LDB2: variants seen among roughly 807,000 people sequenced by gnomAD.
The protein encoded by LDB2 is LIM domain binding 2, also known as LIM domain-binding protein 2.
Under a neutral mutation model 44.3 loss-of-function variants are expected in LDB2, and 12 were observed. The ratio of observed to expected loss-of-function variants is 0.27; its 90% CI spans 0.17 to 0.44. The LOEUF (loss-of-function observed/expected upper bound fraction) is 0.44. Among genes scored for constraint, LDB2 ranks in the 20% least tolerant of loss-of-function variants. The pLI, the probability that LDB2 is intolerant of heterozygous loss-of-function variation, is 1.00. For synonymous variants in LDB2, 164 were observed against 174.8 expected (o/e 0.94, Z 0.49); for missense variants, 344 against 473.5 (o/e 0.73, Z 2.54).
chr4:16,788,230 T>C (rs557212311), intron 1 of LDB2, among the ~76,000 whole-genome samples: 1 of 152,342 alleles, frequency 6.6e-6, no homozygotes, highest in Non-Finnish European at 1.5e-5. Flanking sequence ...GACCATTCTA[T>C]TAACAGGAGC....
At chr4:16,766,013 A>G (rs1769122572) in intron 1 of LDB2, among the ~76,000 whole-genome samples, 1 of 152,236 alleles carries the variant, frequency 6.6e-6, no homozygotes, top group African/African-American at 2.4e-5. Flanking sequence ...AATAGAGAAC[A>G]AAAGAGAATA....
chr4:16,784,198 T>C (rs1408692829), intron 1 of LDB2, among the ~76,000 whole-genome samples: 2 of 151,880 alleles, frequency 1.3e-5, no homozygotes, highest in South Asian at 2.1e-4. Context: ...AGGAAACAAA[T>C]TCTCCTCTTC....
chr4:16,770,328 C>A (rs994974741), intron 1 of LDB2, among the ~76,000 whole-genome samples: 1 of 152,116 alleles, frequency 6.6e-6, no homozygotes, highest in African/African-American at 2.4e-5. Context: ...ATTTATTTAA[C>A]TAAAACCCAG....
chr4:16,880,751 A>G (rs1719823001), intron 1 of LDB2, among the ~76,000 whole-genome samples: 1 of 152,026 alleles, frequency 6.6e-6, no homozygotes, highest in Non-Finnish European at 1.5e-5. Flanking sequence ...AAAAATACAA[A>G]AAATTAGCCG....
At chr4:16,506,135 T>C in intron 7 of LDB2, 1 of 689,370 alleles carries the variant, frequency 1.5e-6, no homozygotes, top group Non-Finnish European at 2.3e-6. Flanking sequence ...GTAGCATCTC[T>C]AGTTAACCAG....
intron 5 of LDB2, among the ~76,000 whole-genome samples, chr4:16,566,491 C>G (rs912556973): frequency 6.6e-6 from 1 of 152,008 alleles, no homozygotes; most frequent in Admixed American, 6.6e-5. Flanking sequence ...TAAACAGTTT[C>G]CTCTCATTTT....
intron 1 of LDB2, among the ~76,000 whole-genome samples, chr4:16,887,197 G>T (rs868025916): frequency 6.7e-6 from 1 of 150,088 alleles, no homozygotes; most frequent in Admixed American, 6.6e-5. Flanking sequence ...TAATTACATA[G>T]TGACAGGAGA....
intron 1 of LDB2, among the ~76,000 whole-genome samples, chr4:16,759,844 C>G (rs1767509904): frequency 6.6e-6 from 1 of 152,176 alleles, no homozygotes; most frequent in South Asian, 2.1e-4. Context: ...TTTAAGAGGA[C>G]AGGCAACCAC....
chr4:16,799,036 G>C (rs1354750533), intron 1 of LDB2, among the ~76,000 whole-genome samples: 2 of 152,032 alleles, frequency 1.3e-5, no homozygotes, highest in South Asian at 2.1e-4. Flanking sequence ...TGTATTTTTA[G>C]TAGAGACCGG....
At chr4:16,799,452 T>C (rs988323184) in intron 1 of LDB2, among the ~76,000 whole-genome samples, 2 of 152,210 alleles carry the variant, frequency 1.3e-5, no homozygotes, top group African/African-American at 4.8e-5. Flanking sequence ...TGACAAATAC[T>C]TGTCAGAGCC....
chr4:16,589,953 GA>G (rs1718327294), intron 3 of LDB2, among the ~76,000 whole-genome samples: 1 of 152,140 alleles, frequency 6.6e-6, no homozygotes, highest in Non-Finnish European at 1.5e-5. Flanking sequence ...AGAATGTTAG[GA>G]AAATTCATTA....
rs1402057210 is a variant in LDB2, at chr4:16,724,050, G to A, written c.235+35108C>T. Among the ~76,000 whole-genome samples, 3 of 152,170 alleles carry A rather than the reference G, an allele frequency of 2.0e-5. No homozygotes were observed. The East Asian group carries it at 5.8e-4, about 29-fold the overall frequency. ...TGCCTACAGCAGTGCCTAGTGCAGT[G>A]CAGCCAATCAAAAACTGTGTAGGCA... On this transcript the variant is annotated intron_variant, in intron 2 of 7. Transcript: ENST00000304523.
At chr4:16,585,814 C>A (rs149319119) in intron 5 of LDB2, 108 bp downstream of exon 5, 70 of 745,060 alleles carry the variant, frequency 9.4e-5, no homozygotes, top group South Asian at 4.8e-4. Context: ...AACATAGACA[C>A]TGCTATATCA....
intron 2 of LDB2, among the ~76,000 whole-genome samples, chr4:16,629,162 T>C (rs1242181270): frequency 6.6e-6 from 1 of 152,204 alleles, no homozygotes; most frequent in African/African-American, 2.4e-5. Flanking sequence ...CAGCAAGGCC[T>C]ACTGCCTCTC....
intron 2 of LDB2, among the ~76,000 whole-genome samples, chr4:16,743,966 T>G (rs1203974256): frequency 6.6e-6 from 1 of 152,166 alleles, no homozygotes; most frequent in African/African-American, 2.4e-5. Context: ...TTTTTACACA[T>G]CACTAAAATC....
intron 1 of LDB2, among the ~76,000 whole-genome samples, chr4:16,769,666 T>C (rs1770212042): frequency 6.6e-6 from 1 of 152,052 alleles, no homozygotes; most frequent in Non-Finnish European, 1.5e-5. Flanking sequence ...TCTCTAATTC[T>C]CAACTGTGAT....
intron 1 of LDB2, among the ~76,000 whole-genome samples, chr4:16,857,279 C>G (rs1580268555): frequency 6.6e-6 from 1 of 152,174 alleles, no homozygotes; most frequent in South Asian, 2.1e-4. Flanking sequence ...CTTACGTGCC[C>G]TTTTTATTCC....
At chr4:16,786,179 G>T (rs773585872) in intron 1 of LDB2, among the ~76,000 whole-genome samples, 2 of 152,058 alleles carry the variant, frequency 1.3e-5, no homozygotes, top group Non-Finnish European at 2.9e-5. Flanking sequence ...TGATCCACAG[G>T]CTCTGTAACT....
chr4:16,673,772 G>A (rs2152560980), intron 2 of LDB2, among the ~76,000 whole-genome samples: 1 of 152,296 alleles, frequency 6.6e-6, no homozygotes, highest in East Asian at 1.9e-4. Flanking sequence ...GCACAGGACA[G>A]CACCTGCCCC....
Sources: allele counts gnomAD v4.1 joint callset (sites outside exome capture counted in the v4.1 genomes callset), GRCh38; gene constraint gnomAD v4.1.1; transcripts MANE v1.5; gene names NCBI Gene and HGNC (gene_info 2026-07-23, HGNC 2026-07-21).